Variants in CADPS observed in about 807,000 individuals in gnomAD.
The protein encoded by CADPS is calcium-dependent secretion activator 1.
CADPS carries 57 observed loss-of-function variants against 167.3 expected under a neutral mutation model. The observed-to-expected ratio is 0.34, with a 90% CI of 0.28 to 0.42. CADPS has a LOEUF of 0.42. Among genes scored for constraint, CADPS ranks in the 20% least tolerant of loss-of-function variants. CADPS has a pLI of 1.00. For missense variants in CADPS, 1,414 were observed against 1,738.1 expected, an observed-to-expected ratio of 0.81 and a Z score of 3.32; for synonymous variants, 676 against 635.3, an observed-to-expected ratio of 1.06 and a Z score of -0.96.
intron 1 of CADPS, among the ~76,000 whole-genome samples, chr3:62,865,124 G>A (rs1406925828): frequency 2.6e-5 from 4 of 152,118 alleles, no homozygotes; most frequent in African/African-American, 9.7e-5. Flanking sequence ...CGCCAATGTA[G>A]ATGTTCAGGA....
At chr3:62,620,515 T>C (rs374591836) in intron 6 of CADPS, among the ~76,000 whole-genome samples, 7 of 152,282 alleles carry the variant, frequency 4.6e-5, no homozygotes, top group African/African-American at 1.7e-4. Context: ...TCAAACACAG[T>C]GTCTTGTTTA....
intron 2 of CADPS, among the ~76,000 whole-genome samples, chr3:62,765,349 A>T (rs1179508292): frequency 6.6e-6 from 1 of 152,222 alleles, no homozygotes; most frequent in Non-Finnish European, 1.5e-5. Flanking sequence ...TCTAGAGAAC[A>T]GCACTGCATT....
chr3:62,443,921 C>G (rs145295677), intron 27 of CADPS, among the ~76,000 whole-genome samples: 3 of 152,188 alleles, frequency 2.0e-5, no homozygotes, highest in Non-Finnish European at 2.9e-5. Context: ...ATAGAGTCCA[C>G]TTACTGCCCT....
chr3:62,417,989 T>G (rs557289682), intron 28 of CADPS, among the ~76,000 whole-genome samples: 1 of 151,906 alleles, frequency 6.6e-6, no homozygotes, highest in Non-Finnish European at 1.5e-5. Context: ...ACAAGTGAGA[T>G]CCTAGTATCT....
chr3:62,709,197 CT>C (rs2082904723), intron 3 of CADPS, among the ~76,000 whole-genome samples: 1 of 152,056 alleles, frequency 6.6e-6, no homozygotes, highest in Non-Finnish European at 1.5e-5. Context: ...TTCTCTTCCC[CT>C]AACACTAACT....
chr3:62,522,527 C>G (rs1360909767), intron 13 of CADPS, among the ~76,000 whole-genome samples: 1 of 152,168 alleles, frequency 6.6e-6, no homozygotes, highest in East Asian at 1.9e-4. Flanking sequence ...TTCCATAGCT[C>G]ACTTGATTCC....
intron 10 of CADPS, among the ~76,000 whole-genome samples, chr3:62,557,020 C>G (rs570860521): frequency 0.055 from 8,148 of 147,886 alleles, 328 homozygotes; most frequent in African/African-American, 0.08. Flanking sequence ...CACACACACA[C>G]ACACACACAC....
chr3:62,825,454 C>T (rs1037020487), intron 1 of CADPS, among the ~76,000 whole-genome samples: 7 of 152,048 alleles, frequency 4.6e-5, no homozygotes, highest in Admixed American at 2.6e-4. Context: ...AAACTCCGGG[C>T]GTGGAGGTAC....
chr3:62,844,921 T>C (rs767980986), intron 1 of CADPS, among the ~76,000 whole-genome samples: 1 of 152,126 alleles, frequency 6.6e-6, no homozygotes, highest in Non-Finnish European at 1.5e-5. Flanking sequence ...AAATATTGGC[T>C]AGACCACAGG....
At chr3:62,471,152 C>T (rs550800713) in intron 24 of CADPS, among the ~76,000 whole-genome samples, 10 of 152,228 alleles carry the variant, frequency 6.6e-5, no homozygotes, top group African/African-American at 2.2e-4. Flanking sequence ...GATGACACAT[C>T]GTTTGGCAGC....
chr3:62,865,261 T>C (rs996961527), intron 1 of CADPS, among the ~76,000 whole-genome samples: 1 of 152,128 alleles, frequency 6.6e-6, no homozygotes, highest in African/African-American at 2.4e-5. Context: ...TTTGCTTTCT[T>C]AAGAGGCATA....
At chr3:62,743,583 A>G (rs776767004) in intron 3 of CADPS, among the ~76,000 whole-genome samples, 2 of 152,146 alleles carry the variant, frequency 1.3e-5, no homozygotes, top group African/African-American at 2.4e-5. Context: ...AGGTCATCCA[A>G]TTGGCCAGAT....
chr3:62,822,604 G>A (rs1459517243), intron 1 of CADPS, among the ~76,000 whole-genome samples: 3 of 152,178 alleles, frequency 2.0e-5, no homozygotes, highest in Non-Finnish European at 4.4e-5. Flanking sequence ...CACTTTGGGA[G>A]GCCGAGACGG....
At chr3:62,635,015 G>A (rs2221530) in intron 6 of CADPS, among the ~76,000 whole-genome samples, 56,438 of 152,004 alleles carry the variant, frequency 0.37, 11,006 homozygotes, top group East Asian at 0.6. Flanking sequence ...TGCATTGGAC[G>A]CTTGGTTCTG....
chr3:62,785,085 T>C (rs899281379), intron 1 of CADPS, among the ~76,000 whole-genome samples: 1 of 151,232 alleles, frequency 6.6e-6, no homozygotes, highest in Non-Finnish European at 1.5e-5. Context: ...TTCAGGAGCA[T>C]AGGGAGCACA....
intron 24 of CADPS, chr3:62,470,756 A>G (rs989430003): frequency 1.1e-4 from 16 of 152,170 alleles, no homozygotes; most frequent in African/African-American, 3.9e-4. Context: ...AAAAAAACCA[A>G]CAGTCTTACA....
intron 3 of CADPS, among the ~76,000 whole-genome samples, chr3:62,682,755 C>T (rs1429800375): frequency 6.6e-6 from 1 of 151,984 alleles, no homozygotes; most frequent in African/African-American, 2.4e-5. Flanking sequence ...AGAAAAGGTA[C>T]AGGTCCTAAG....
chr3:62,508,830 A>C (rs1304729626), intron 17 of CADPS, among the ~76,000 whole-genome samples: 1 of 152,152 alleles, frequency 6.6e-6, no homozygotes, highest in African/African-American at 2.4e-5. Context: ...CACTGGTTTC[A>C]TATTTGTGGG....
At chr3:62,731,011 C>A (rs149649967) in intron 3 of CADPS, among the ~76,000 whole-genome samples, 1 of 152,192 alleles carries the variant, frequency 6.6e-6, no homozygotes, top group Non-Finnish European at 1.5e-5. Flanking sequence ...AGAGATATAA[C>A]TATGACCAGA....
Sources: allele counts gnomAD v4.1 joint callset (sites outside exome capture counted in the v4.1 genomes callset), GRCh38; gene constraint gnomAD v4.1.1; transcripts MANE v1.5; gene names NCBI Gene and HGNC (gene_info 2026-07-23, HGNC 2026-07-21).